Variants in HPN observed in about 807,000 individuals in gnomAD.
The protein encoded by HPN is hepsin, also known as serine protease hepsin.
Under a neutral mutation model 55.9 loss-of-function variants are expected in HPN, and 13 were observed. The ratio of observed to expected loss-of-function variants is 0.23; its 90% confidence interval spans 0.15 to 0.37. HPN has a LOEUF of 0.37. Among genes scored for constraint, HPN ranks in the 10% least tolerant of loss-of-function variants. The pLI is 1.00. For synonymous variants in HPN, 225 were observed against 240.3 expected (o/e 0.94, Z 0.59); for missense variants, 451 against 575.8 (o/e 0.78, Z 2.22).
At chr19:35,063,538 A>G (rs2064561561) in intron 9 of HPN, among the ~76,000 whole-genome samples, 1 of 152,156 alleles carries the variant, frequency 6.6e-6, no homozygotes, top group Non-Finnish European at 1.5e-5. Context: ...GTGAAACCCC[A>G]TCTCTACTAA....
chr19:35,045,688 GCGTCC>G, intron 2 of HPN, among the ~76,000 whole-genome samples: 1 of 151,398 alleles, frequency 6.6e-6, no homozygotes, highest in Non-Finnish European at 1.5e-5. Context: ...GGATGAGGAT[GCGTCC>G]CACACCCTGG....
At chr19:35,065,018 C>T (rs1181643243) in intron 9 of HPN, among the ~76,000 whole-genome samples, 1 of 152,090 alleles carries the variant, frequency 6.6e-6, no homozygotes. Flanking sequence ...GATGAGGTTT[C>T]GCCACGTTGG....
Position 35,041,738 on chromosome 19 carries a change from T to C in HPN, c.-189T>C. Reference sequence around the variant, plus strand: ...CCTCCTCAGGTGAGGCAGCCTGGCCTAGCAGGCCCCACGCCACCGCCTCTG... The same window carrying C: ...CCTCCTCAGGTGAGGCAGCCTGGCCCAGCAGGCCCCACGCCACCGCCTCTG... On this transcript the variant is annotated 5_prime_UTR_variant, in exon 1 of 13. Coordinates refer to ENST00000672452, the MANE Select transcript of HPN (RefSeq NM_001384133.1). 1 of 1,192,566 alleles carries C rather than the reference T, an allele frequency of 8.4e-7. No homozygotes were observed. The highest frequency in any genetic ancestry group is 1.1e-6 in the Non-Finnish European group (1 of 947,100). 73.9% of individuals were successfully genotyped at this position (1,192,566 alleles called of 1,614,324 possible).
upstream of HPN, among the ~76,000 whole-genome samples, chr19:35,041,250 G>A (rs2064290385): frequency 6.6e-6 from 1 of 152,228 alleles, no homozygotes; most frequent in Admixed American, 6.5e-5. Flanking sequence ...CAGCGGGGGA[G>A]GGGCCGGGGC....
upstream of HPN, chr19:35,041,689 C>CATA: frequency 2.6e-6 from 1 of 385,808 alleles, no homozygotes; most frequent in Non-Finnish European, 3.6e-6. Context: ...CCCGCCCCTT[C>CATA]ACCCGCCCCT....
intron 4 of HPN, among the ~76,000 whole-genome samples, chr19:35,050,902 C>T (rs904845618): frequency 1.8e-4 from 23 of 125,182 alleles, no homozygotes; most frequent in African/African-American, 3.4e-4. Flanking sequence ...TTTTTTCTTT[C>T]TTTCTTTCTT....
chr19:35,042,153 C>T, intron 1 of HPN: 3 of 1,166,476 alleles, frequency 2.6e-6, no homozygotes, highest in Non-Finnish European at 3.2e-6. Flanking sequence ...CCTCCTTTCC[C>T]AAGACTTATG....
At position 35,042,554 on chromosome 19, in the gene HPN, C is replaced by T. The variant is rs1172401710; in HGVS notation, c.16+32C>T. 24 of 1,578,218 alleles carry T rather than the reference C, an allele frequency of 1.5e-5. No individual in the cohort carries two copies. In the East Asian group the frequency reaches 5.4e-4, roughly 36 times the overall value. ...CCCCTTCCCTGAGCCCCAGCTTTGG[C>T]TCTGCCTGGCGCCCCGCCCTCTGTG... On this transcript the variant is annotated intron_variant, in intron 2 of 12. Coordinates refer to ENST00000672452, the MANE Select transcript of HPN (RefSeq NM_001384133.1).
chr19:35,043,353 A>G (rs1481354680), intron 2 of HPN, among the ~76,000 whole-genome samples: 1 of 152,110 alleles, frequency 6.6e-6, no homozygotes, highest in Non-Finnish European at 1.5e-5. Context: ...GGAGGGGCGC[A>G]TGGAGGGGCG....
intron 2 of HPN, among the ~76,000 whole-genome samples, chr19:35,048,082 A>AAGAAGG (rs111546288): frequency 1.0e-5 from 1 of 96,984 alleles, no homozygotes. Flanking sequence ...GAAAGAAAGA[A>AAGAAGG]AAGGAAGGAA....
intron 11 of HPN, 82 bp downstream of exon 11, chr19:35,065,763 C>A: frequency 6.3e-7 from 1 of 1,597,322 alleles, no homozygotes. Context: ...TCAGGCTCCC[C>A]ATCTAAAAGC....
intron 9 of HPN, 39 bp downstream of exon 9, chr19:35,060,856 A>AGGCCAGGAGGACAGAGGAGGG: frequency 6.6e-7 from 1 of 1,511,418 alleles, no homozygotes; most frequent in Non-Finnish European, 8.9e-7. Flanking sequence ...TGAGGACCCG[A>AGGCCAGGAGGACAGAGGAGGG]GGCCAGGAGG....
intron 4 of HPN, among the ~76,000 whole-genome samples, chr19:35,057,969 G>A (rs1568360528): frequency 6.6e-6 from 1 of 151,924 alleles, no homozygotes; most frequent in Non-Finnish European, 1.5e-5. Context: ...TGGCCAACAT[G>A]GTGAAACCCC....
intron 4 of HPN, chr19:35,059,199 C>T (rs2064493797): frequency 3.2e-6 from 1 of 316,942 alleles, no homozygotes; most frequent in Non-Finnish European, 6.2e-6. Flanking sequence ...TCTGTAATCC[C>T]ACCTGTAATC....
intron 2 of HPN, among the ~76,000 whole-genome samples, chr19:35,047,404 A>T (rs1236000817): frequency 6.6e-6 from 1 of 152,184 alleles, no homozygotes; most frequent in Non-Finnish European, 1.5e-5. Flanking sequence ...CTTAGCTCAG[A>T]AGTCTCCTCT....
intron 2 of HPN, among the ~76,000 whole-genome samples, chr19:35,048,070 AAG>A (rs1491053784): frequency 3.9e-5 from 2 of 51,876 alleles, no homozygotes; most frequent in African/African-American, 2.3e-4. Context: ...GAAAGAAAGA[AAG>A]AAAGAAAGAA....
At position 35,049,274 on chromosome 19, in the gene HPN, A is replaced by C; in HGVS notation, c.17-16A>C. 6.6e-7 allele frequency: 1 copy of C among 1,516,792 alleles called. No homozygotes were observed. The highest frequency in any genetic ancestry group is 8.9e-7 in the Non-Finnish European group (1 of 1,129,372). 94.0% of individuals were successfully genotyped at this position (1,516,792 alleles called of 1,614,324 possible). A position where few individuals can be genotyped will look rare whatever the true frequency, so the allele number is the denominator to read the frequency against. ...GGACAGGCCTGGCTGTGGCCCCAGC[A>C]TGGTGTCTGTTGCAGGTGGCCGGAC... On this transcript the variant is annotated splice_polypyrimidine_tract_variant and intron_variant, in intron 2 of 12. Transcript: ENST00000672452.
rs1385935055 is a variant in HPN at position 35,065,584 on chromosome 19, G to T, written c.953G>T (p.Ser318Ile). The T allele has an allele frequency of 1.9e-6, 3 of 1,614,154 alleles. No individual in the cohort carries two copies. Among genetic ancestry groups the T allele is most frequent in the South Asian group, 2.2e-5 (2 of 91,090 alleles). The change falls in exon 11 of 13, where the codon AGC becomes ATC. Residue 318 changes from serine to isoleucine, a missense_variant. Ser to Ile is a moderately radical substitution (Grantham distance 142, BLOSUM62 -2). Around this residue, in one of 2 missense-constraint regions of HPN, gnomAD observed 378 missense variants for 445.5 expected, o/e 0.85. Transcript: ENST00000672452. Reference protein sequence around the residue: ...VLQEARVPIISNDVCNGADFY... With the variant: ...VLQEARVPIIINDVCNGADFY... Reference sequence around the variant, plus strand: ...CAGGAGGCTCGAGTCCCCATAATCAGCAATGATGTCTGCAATGGCGCTGAC... The same window carrying T: ...CAGGAGGCTCGAGTCCCCATAATCATCAATGATGTCTGCAATGGCGCTGAC...
intron 2 of HPN, among the ~76,000 whole-genome samples, chr19:35,043,232 A>G (rs2064311284): frequency 6.6e-6 from 1 of 152,108 alleles, no homozygotes; most frequent in Non-Finnish European, 1.5e-5. Flanking sequence ...AGAAACCACC[A>G]TAAGGATGAG....
Sources: allele counts gnomAD v4.1 joint callset (sites outside exome capture counted in the v4.1 genomes callset), GRCh38; gene constraint gnomAD v4.1.1; regional missense constraint gnomAD v4.1.1; transcripts MANE v1.5; gene names NCBI Gene and HGNC (gene_info 2026-07-23, HGNC 2026-07-21).